The following CADPS2 variants were observed in gnomAD, a reference collection of about 807,000 sequenced individuals.
The protein encoded by CADPS2 is calcium-dependent secretion activator 2.
In CADPS2, 93 loss-of-function variants were observed where a neutral mutation model predicts 172.5. The ratio of observed to expected loss-of-function variants is 0.54; its 90% CI spans 0.46 to 0.64. The LOEUF (loss-of-function observed/expected upper bound fraction) is 0.64, where lower values mean the gene tolerates loss of function less well. CADPS2 is among the 30% of genes least tolerant of loss of function. The probability of loss-of-function intolerance (pLI) is 0.00; values close to 1 mark genes in which losing one functional copy is unlikely to be tolerated. For synonymous variants in CADPS2, 546 were observed against 555.2 expected (o/e 0.98, Z 0.23); for missense variants, 1,420 against 1,565.9 (o/e 0.91, Z 1.57).
Position 122,387,118 on chromosome 7 carries a change from G to A in CADPS2, c.3220C>T (p.Arg1074Cys), listed in dbSNP as rs745485476. Residue 1074 changes from arginine to cysteine, a missense_variant, in exon 24 of 30, where the codon CGC becomes TGC. Coordinates refer to ENST00000449022, the MANE Select transcript of CADPS2 (RefSeq NM_017954.11). ...LQKASKTTDL[R>C]IPASVCTMFN... ...ATAGTGCAAACGGAAGCTGGAATGC[G>A]CAAGTCAGTTGTTTTGCTTGCCTTT... 5.1e-6 allele frequency: 8 copies of A among 1,574,860 alleles called. No homozygotes were observed. Among genetic ancestry groups the A allele is most frequent in the South Asian group, 2.3e-5 (2 of 86,274 alleles).
chr7:122,642,279 C>CAA (rs11370822), intron 3 of CADPS2, among the ~76,000 whole-genome samples: 26,394 of 124,500 alleles, frequency 0.21, 3,095 homozygotes, highest in South Asian at 0.33. Context: ...GACTCCATCT[C>CAA]AAAAAAAAAA....
At chr7:122,684,450 C>T (rs1389672164) in intron 2 of CADPS2, among the ~76,000 whole-genome samples, 1 of 138,512 alleles carries the variant, frequency 7.2e-6, no homozygotes, top group South Asian at 2.4e-4. Flanking sequence ...TATATATATA[C>T]ACACATATAT....
At chr7:122,631,848 C>A (rs1346497173) in intron 3 of CADPS2, among the ~76,000 whole-genome samples, 1 of 152,088 alleles carries the variant, frequency 6.6e-6, no homozygotes, top group African/African-American at 2.4e-5. Context: ...GCCCACATTT[C>A]CCTTGGTCAA....
At chr7:122,423,056 T>C (rs1219439510) in intron 17 of CADPS2, among the ~76,000 whole-genome samples, 1 of 152,214 alleles carries the variant, frequency 6.6e-6, no homozygotes, top group East Asian at 1.9e-4. Flanking sequence ...CCCAGTCTAC[T>C]CTAATTTGAA....
chr7:122,385,679 G>A (rs572679540), intron 24 of CADPS2, among the ~76,000 whole-genome samples: 1 of 152,150 alleles, frequency 6.6e-6, no homozygotes, highest in South Asian at 2.1e-4. Context: ...GTGGAGGAGG[G>A]CAGAAGTCTC....
At chr7:122,449,658 A>T (rs2052788222) in intron 15 of CADPS2, among the ~76,000 whole-genome samples, 1 of 152,160 alleles carries the variant, frequency 6.6e-6, no homozygotes. Flanking sequence ...ACATCTCTAA[A>T]ACTGCAAAAT....
At chr7:122,811,451 T>C (rs1800002114) in intron 1 of CADPS2, among the ~76,000 whole-genome samples, 1 of 152,206 alleles carries the variant, frequency 6.6e-6, no homozygotes, top group Non-Finnish European at 1.5e-5. Context: ...TCTAGTAAAT[T>C]GAATATCTGG....
At chr7:122,662,030 G>A (rs930846558) in intron 3 of CADPS2, among the ~76,000 whole-genome samples, 1 of 152,168 alleles carries the variant, frequency 6.6e-6, no homozygotes, top group Admixed American at 6.5e-5. Flanking sequence ...GGGTTAAAGT[G>A]CCTCAGTGAT....
intron 13 of CADPS2, among the ~76,000 whole-genome samples, chr7:122,474,137 TG>T (rs2056329347): frequency 1.3e-5 from 2 of 152,190 alleles, no homozygotes; most frequent in South Asian, 4.1e-4. Flanking sequence ...AGCATCTATT[TG>T]AGTCTATTCT....
intron 1 of CADPS2, among the ~76,000 whole-genome samples, chr7:122,860,098 G>T (rs777244212): frequency 6.6e-6 from 1 of 151,804 alleles, no homozygotes; most frequent in African/African-American, 2.4e-5. Flanking sequence ...TCAAGGAGCT[G>T]CCTCACCCCA....
intron 7 of CADPS2, 86 bp downstream of exon 7, chr7:122,581,072 AATTTATGAACATAAAGTTCAC>A: frequency 1.4e-6 from 1 of 736,216 alleles, no homozygotes; most frequent in South Asian, 1.8e-5. Context: ...TATTTTATGT[AATTTATGAACATAAAGTTCAC>A]ATATGGCATA....
At chr7:122,619,273 T>C (rs983396317) in intron 5 of CADPS2, among the ~76,000 whole-genome samples, 2 of 152,094 alleles carry the variant, frequency 1.3e-5, no homozygotes, top group African/African-American at 4.8e-5. Context: ...ATAAAGATAA[T>C]GGTAGATTTG....
At chr7:122,751,266 A>G (rs904945838) in intron 1 of CADPS2, among the ~76,000 whole-genome samples, 7 of 152,098 alleles carry the variant, frequency 4.6e-5, no homozygotes, top group Non-Finnish European at 8.8e-5. Context: ...CTAAGAGTCT[A>G]TGTTTTGTCT....
chr7:122,805,536 C>G (rs1054735435), intron 1 of CADPS2, among the ~76,000 whole-genome samples: 1 of 152,150 alleles, frequency 6.6e-6, no homozygotes, highest in African/African-American at 2.4e-5. Flanking sequence ...GTAATTTTAA[C>G]AGTGGAACCA....
chr7:122,880,344 A>G (rs1385312932), intron 1 of CADPS2, among the ~76,000 whole-genome samples: 1 of 152,252 alleles, frequency 6.6e-6, no homozygotes, highest in Non-Finnish European at 1.5e-5. Context: ...AGCCTCCAGC[A>G]TATCACCTAG....
At chr7:122,758,844 T>A (rs1366730779) in intron 1 of CADPS2, among the ~76,000 whole-genome samples, 2 of 152,066 alleles carry the variant, frequency 1.3e-5, no homozygotes, top group Non-Finnish European at 2.9e-5. Context: ...TTTAAACTAA[T>A]CTTCATCACC....
chr7:122,436,050 G>A (rs2050602963), intron 17 of CADPS2, among the ~76,000 whole-genome samples: 1 of 152,024 alleles, frequency 6.6e-6, no homozygotes, highest in African/African-American at 2.4e-5. Flanking sequence ...CTATTATACA[G>A]CAGAATGCCT....
intron 2 of CADPS2, among the ~76,000 whole-genome samples, chr7:122,730,546 T>C (rs867816118): frequency 6.6e-6 from 1 of 151,726 alleles, no homozygotes; most frequent in Non-Finnish European, 1.5e-5. Flanking sequence ...TTAAATAATA[T>C]TTAGATACAA....
chr7:122,353,852 G>T (rs113831716), intron 27 of CADPS2, among the ~76,000 whole-genome samples: 2 of 152,034 alleles, frequency 1.3e-5, no homozygotes, highest in East Asian at 3.9e-4. Context: ...GCTCCCACTT[G>T]TTTTTAGTCA....
Sources: gnomAD v4.1 joint callset for allele counts (sites outside exome capture counted in the v4.1 genomes callset) on GRCh38, gnomAD v4.1.1 for gene constraint, MANE v1.5 for transcripts, NCBI Gene and HGNC (gene_info 2026-07-23, HGNC 2026-07-21) for gene names.